Variants in POR observed in about 807,000 individuals in gnomAD.
The protein encoded by POR is NADPH--cytochrome P450 reductase.
A neutral mutation model predicts 84.0 loss-of-function variants in POR; 56 were observed. The observed-to-expected ratio is 0.67, with a 90% CI of 0.54 to 0.83. POR has a LOEUF of 0.83. Among genes scored for constraint, POR ranks in the 40% least tolerant of loss-of-function variants. The pLI, the probability that POR is intolerant of heterozygous loss-of-function variation, is 0.00. For missense variants in POR, 938 were observed against 944.3 expected, an observed-to-expected ratio of 0.99 and a Z score of 0.09; for synonymous variants, 414 against 400.5, an observed-to-expected ratio of 1.03 and a Z score of -0.40.
chr7:75,923,612 G>T (rs1806976518), intron 1 of POR, among the ~76,000 whole-genome samples: 1 of 152,150 alleles, frequency 6.6e-6, no homozygotes, highest in African/African-American at 2.4e-5. Flanking sequence ...GGCTGGCCGG[G>T]CCCGGTGGCT....
intron 3 of POR, among the ~76,000 whole-genome samples, chr7:75,978,671 G>C (rs1362330343): frequency 2.0e-5 from 3 of 151,718 alleles, no homozygotes; most frequent in African/African-American, 7.3e-5. Context: ...TTACAGGCAT[G>C]TGCCACCATG....
At chr7:75,958,166 G>A (rs1787767348) in intron 2 of POR, among the ~76,000 whole-genome samples, 1 of 152,158 alleles carries the variant, frequency 6.6e-6, no homozygotes, top group African/African-American at 2.4e-5. Context: ...GTTCAGGCTG[G>A]AATACGCTGG....
chr7:75,972,120 A>C (rs1183776100), intron 2 of POR, among the ~76,000 whole-genome samples: 1 of 152,160 alleles, frequency 6.6e-6, no homozygotes, highest in Non-Finnish European at 1.5e-5. Context: ...GCCCATATCT[A>C]TCTGGGTGCA....
intron 1 of POR, among the ~76,000 whole-genome samples, chr7:75,939,379 G>A (rs1807852346): frequency 1.3e-5 from 2 of 152,170 alleles, no homozygotes; most frequent in South Asian, 2.1e-4. Flanking sequence ...CTGCTTTGGT[G>A]GGAGTGCTCA....
intron 8 of POR, 30 bp from the exon 9 acceptor site, chr7:75,983,490 G>T (rs372585710): frequency 1.3e-6 from 2 of 1,520,536 alleles, no homozygotes; most frequent in Non-Finnish European, 9.1e-7. Context: ...AGCCCCGGCC[G>T]CTCACTGTGC....
chr7:75,986,115 C>A, intron 14 of POR, 44 bp from the exon 15 acceptor site: 1 of 1,582,002 alleles, frequency 6.3e-7, no homozygotes, highest in Non-Finnish European at 8.6e-7. Flanking sequence ...GCTGGCAGGG[C>A]CACAGCCACA....
chr7:75,950,353 C>A (rs1787359301), intron 1 of POR, among the ~76,000 whole-genome samples: 2 of 152,218 alleles, frequency 1.3e-5, no homozygotes, highest in South Asian at 2.1e-4. Flanking sequence ...TTGAGAAGGA[C>A]TTCACATCAT....
At chr7:75,976,051 TTCCA>T (rs1554556789) in intron 3 of POR, among the ~76,000 whole-genome samples, 2 of 152,064 alleles carry the variant, frequency 1.3e-5, no homozygotes, top group African/African-American at 4.8e-5. Flanking sequence ...CGGGGTGCTT[TTCCA>T]TTGGCGTGAG....
rs782594096 is a variant in POR at position 75,985,143 on chromosome 7, AC to A, written c.1336del (p.His446ThrfsTer99). 1 of 1,599,626 alleles carries A rather than the reference AC, an allele frequency of 6.3e-7. No individual in the cohort carries two copies. The highest frequency in any genetic ancestry group is 1.1e-5 in the South Asian group (1 of 91,056). On this transcript the variant is annotated frameshift_variant, in exon 12 of 16. Coordinates refer to ENST00000461988, the MANE Select transcript of POR (RefSeq NM_000941.3). LOFTEE classifies it high-confidence loss of function. The stretch of plus-strand genomic sequence containing the variant: ...TGCCCGTCCCTGCGGCCCCCCATCG[AC>A]CACCTGTGTGAGCTGCTGCCGCGCC...
chr7:75,986,595 G>A lies in POR; in HGVS notation c.*114G>A. 7.4e-7 allele frequency: 1 copy of A among 1,352,472 alleles called. No individual in the cohort carries two copies. The highest frequency in any genetic ancestry group is 1.0e-6 in the Non-Finnish European group (1 of 998,672). The allele number at this position is 1,352,472 out of a possible 1,614,324, so 83.8% of individuals were successfully genotyped here. On this transcript the variant is annotated 3_prime_UTR_variant, in exon 16 of 16. Transcript: ENST00000461988. ...TGGCCTTGGCATGGGCGCAGGCCCA[G>A]TGACAAAGACTCCTCTGGGCCTGGG...
intron 2 of POR, among the ~76,000 whole-genome samples, chr7:75,964,475 T>C (rs1223982379): frequency 6.6e-6 from 1 of 151,936 alleles, no homozygotes; most frequent in Non-Finnish European, 1.5e-5. Flanking sequence ...ACCCGGCTAA[T>C]TTTTGTATTT....
At chr7:75,934,736 G>A (rs1445893599) in intron 1 of POR, among the ~76,000 whole-genome samples, 1 of 152,204 alleles carries the variant, frequency 6.6e-6, no homozygotes, top group Non-Finnish European at 1.5e-5. Context: ...TCAGCTTCCA[G>A]CCTTGGCTCA....
chr7:75,916,208 T>C (rs1806560814), intron 1 of POR, among the ~76,000 whole-genome samples: 1 of 152,074 alleles, frequency 6.6e-6, no homozygotes, highest in Non-Finnish European at 1.5e-5. Context: ...ATTCTGAGGA[T>C]CAAGACAGGG....
Position 75,950,646 on chromosome 7 carries a change from C to T in POR, c.-4-3343C>T, listed in dbSNP as rs1787372168. On this transcript the variant is annotated intron_variant, in intron 1 of 15. Transcript: ENST00000461988. ...GGTTCTATGAAAATGTGACAGGTGGCTCATAAGCTTGACAGAGATCCTGAT... is the reference window on the plus strand; with the variant it reads ...GGTTCTATGAAAATGTGACAGGTGGTTCATAAGCTTGACAGAGATCCTGAT... Among the ~76,000 whole-genome samples the T allele has an allele frequency of 2.0e-5, 3 of 152,148 alleles. No individual in the cohort carries two copies. The South Asian group carries it at 6.2e-4, about 31-fold the overall frequency.
At chr7:75,931,821 T>C (rs1807436676) in intron 1 of POR, among the ~76,000 whole-genome samples, 2 of 152,120 alleles carry the variant, frequency 1.3e-5, no homozygotes, top group African/African-American at 4.8e-5. Flanking sequence ...GCTCCCACCA[T>C]CTGTTCTGTT....
Position 75,983,774 on chromosome 7 carries a change from C to T in POR, c.984C>T (p.Ala328=), listed in dbSNP as rs72557941. 1.1e-3 allele frequency: 1,719 copies of T among 1,612,506 alleles called. 10 individuals are homozygous for T. The highest frequency in any genetic ancestry group is 1.2e-3 in the Non-Finnish European group (1,463 of 1,179,736). The change falls in exon 10 of 16, where the codon GCC becomes GCT. Residue 328 remains alanine (A), a synonymous_variant. Transcript: ENST00000461988. ...GGGACCACGTGGCTGTGTACCCAGC[C>T]AACGACTCTGCTCTCGTCAACCAGC...
At position 75,981,224 on chromosome 7, in the gene POR, C is replaced by T. The variant is rs935228172; in HGVS notation, c.641+52C>T. ...CAGCGCGGCGGGCTTAGGCAGGGGC[C>T]GTGGAACGTGAGGGGCGCGCACACC... On this transcript the variant is annotated intron_variant, in intron 6 of 15. Coordinates refer to ENST00000461988, the MANE Select transcript of POR (RefSeq NM_000941.3). 9.4e-6 allele frequency: 14 copies of T among 1,483,384 alleles called. No individual in the cohort carries two copies. The African/African-American group carries it at 9.8e-5, about 10-fold the overall frequency. The allele number at this position is 1,483,384 out of a possible 1,614,324, so 91.9% of individuals were successfully genotyped here.
At chr7:75,915,729 C>G (rs1375983610) in intron 1 of POR, 1 of 152,222 alleles carries the variant, frequency 6.6e-6, no homozygotes, top group Admixed American at 6.5e-5. Context: ...AGGGCAGTGC[C>G]CCTCGCAGTC....
In POR at chr7:75,979,826, G is replaced by A. The variant is rs72554000; in HGVS notation, c.366+247G>A. 2.8e-3 allele frequency: 1,383 copies of A among 489,430 alleles called. 38 individuals carry two copies. The South Asian group carries it at 0.031, about 11-fold the overall frequency. 30.3% of individuals were successfully genotyped at this position (489,430 alleles called of 1,614,324 possible). Reference sequence around the variant, plus strand: ...CAGGACTGGCCCTCCCCTGAGTGCCGGCTGCCCTCCTGGCGGCCGCCACAT... The same window carrying A: ...CAGGACTGGCCCTCCCCTGAGTGCCAGCTGCCCTCCTGGCGGCCGCCACAT... On this transcript the variant is annotated intron_variant, in intron 4 of 15. Transcript: ENST00000461988.
Sources: allele counts gnomAD v4.1 joint callset (sites outside exome capture counted in the v4.1 genomes callset), GRCh38; gene constraint gnomAD v4.1.1; transcripts MANE v1.5; gene names NCBI Gene and HGNC (gene_info 2026-07-23, HGNC 2026-07-21).